The following ROBO1 variants were observed in gnomAD, a reference collection of about 807,000 sequenced individuals.
ROBO1 encodes the protein roundabout guidance receptor 1.
Under a neutral mutation model 195.9 loss-of-function variants are expected in ROBO1, and 149 were observed. The observed-to-expected ratio is 0.76, with a 90% CI of 0.67 to 0.87. ROBO1 has a LOEUF of 0.87. Ranked by LOEUF, ROBO1 falls within the 40% of genes least tolerant of loss-of-function variation. The probability of loss-of-function intolerance (pLI) is 0.00; values close to 1 mark genes in which losing one functional copy is unlikely to be tolerated. For missense variants in ROBO1, 1,933 were observed against 2,068.3 expected (o/e 0.93, Z 1.27); for synonymous variants, 816 against 733.2 (o/e 1.11, Z -1.82).
intron 3 of ROBO1, among the ~76,000 whole-genome samples, chr3:79,080,444 G>A (rs934331098): frequency 5.9e-5 from 9 of 151,586 alleles, no homozygotes; most frequent in Non-Finnish European, 1.3e-4. Flanking sequence ...AGTCCCCAAA[G>A]ATAAAATGAC....
intron 1 of ROBO1, among the ~76,000 whole-genome samples, chr3:79,701,364 A>C (rs899786959): frequency 6.6e-6 from 1 of 151,570 alleles, no homozygotes; most frequent in African/African-American, 2.4e-5. Context: ...CTGTGAAAAA[A>C]TGATATCCTT....
chr3:78,798,664 A>T (rs542098702), intron 4 of ROBO1, among the ~76,000 whole-genome samples: 17 of 152,356 alleles, frequency 1.1e-4, no homozygotes, highest in Admixed American at 3.9e-4. Context: ...AGATTTCATC[A>T]TATATTTTTA....
chr3:78,869,098 T>C (rs1429594449), intron 4 of ROBO1, among the ~76,000 whole-genome samples: 1 of 152,164 alleles, frequency 6.6e-6, no homozygotes, highest in Non-Finnish European at 1.5e-5. Context: ...TATAGTTTTT[T>C]TTAAGAAACT....
rs530688570 is a variant in ROBO1 at position 79,002,983 on chromosome 3, A to G, written c.173-64056T>C. ...GAAAACCTCGATTCCCCAATGCTAA[A>G]GAGCTGAGCTCCAAGTAAAGGAAGA... On this transcript the variant is annotated intron_variant, in intron 3 of 30. Coordinates refer to ENST00000464233, the MANE Select transcript of ROBO1 (RefSeq NM_002941.4). Among the ~76,000 whole-genome samples the G allele has an allele frequency of 3.3e-5, 5 of 152,272 alleles. No individual in the cohort carries two copies. The South Asian group carries it at 1.0e-3, about 32-fold the overall frequency.
intron 28 of ROBO1, chr3:78,607,306 G>A (rs1274116796): frequency 1.1e-5 from 4 of 377,486 alleles, no homozygotes; most frequent in Non-Finnish European, 4.8e-6. Flanking sequence ...TTGACCTCCT[G>A]GGTGCGAGCA....
At chr3:78,697,398 C>T (rs1364252767) in intron 8 of ROBO1, among the ~76,000 whole-genome samples, 2 of 152,078 alleles carry the variant, frequency 1.3e-5, no homozygotes, top group Non-Finnish European at 2.9e-5. Context: ...GAGGAAAAGA[C>T]CTTTTTCATC....
At position 79,713,307 on chromosome 3, in the gene ROBO1, G is replaced by T. The variant is rs575928778; in HGVS notation, c.-51+54445C>A. On this transcript the variant is annotated intron_variant, in intron 1 of 30. Coordinates refer to ENST00000464233, the MANE Select transcript of ROBO1 (RefSeq NM_002941.4). Reference sequence around the variant, plus strand: ...TTATTTGAGAGATACACTTCATAGGGTTATGGTAGTCATAGATAGTGGTTC... The same window carrying T: ...TTATTTGAGAGATACACTTCATAGGTTTATGGTAGTCATAGATAGTGGTTC... 2.6e-5 allele frequency among the ~76,000 whole-genome samples: 4 copies of T among 152,142 alleles called. No individual in the cohort carries two copies. The South Asian group carries it at 8.3e-4, about 32-fold the overall frequency.
At chr3:79,651,623 C>T (rs935069311) in intron 1 of ROBO1, among the ~76,000 whole-genome samples, 3 of 152,128 alleles carry the variant, frequency 2.0e-5, no homozygotes, top group Admixed American at 6.6e-5. Context: ...TAGTCTGCAA[C>T]GCTAGCACCC....
chr3:79,360,238 A>C (rs1303193078), intron 2 of ROBO1, among the ~76,000 whole-genome samples: 2 of 152,080 alleles, frequency 1.3e-5, no homozygotes, highest in African/African-American at 4.8e-5. Flanking sequence ...TCAAATTTAC[A>C]TAAATACATT....
intron 2 of ROBO1, among the ~76,000 whole-genome samples, chr3:79,484,645 A>T (rs1452776001): frequency 6.6e-6 from 1 of 151,940 alleles, no homozygotes; most frequent in African/African-American, 2.4e-5. Context: ...CATAATATGC[A>T]CGTGATAGTT....
intron 2 of ROBO1, among the ~76,000 whole-genome samples, chr3:79,348,788 G>T (rs2035230377): frequency 6.6e-6 from 1 of 152,114 alleles, no homozygotes; most frequent in Non-Finnish European, 1.5e-5. Context: ...GTATGCATAG[G>T]CAAAGGTAAT....
chr3:79,216,669 A>AT (rs536041032), intron 2 of ROBO1, among the ~76,000 whole-genome samples: 14 of 151,974 alleles, frequency 9.2e-5, no homozygotes, highest in African/African-American at 2.4e-4. Flanking sequence ...TGATTTAGCT[A>AT]TTTTTTTGAA....
chr3:79,735,888 A>AAAC (rs1553801372), intron 1 of ROBO1, among the ~76,000 whole-genome samples: 323 of 26,130 alleles, frequency 0.012, 5 homozygotes, highest in African/African-American at 0.036. Flanking sequence ...AAAAAAAAAC[A>AAAC]AAAAAAAAAC....
intron 3 of ROBO1, among the ~76,000 whole-genome samples, chr3:79,069,525 C>T (rs939896878): frequency 2.6e-5 from 4 of 151,926 alleles, no homozygotes; most frequent in Admixed American, 6.6e-5. Flanking sequence ...ACAATGACAT[C>T]CTTTTGCTCT....
At chr3:79,353,096 C>T (rs1166590477) in intron 2 of ROBO1, among the ~76,000 whole-genome samples, 3 of 151,986 alleles carry the variant, frequency 2.0e-5, no homozygotes, top group Non-Finnish European at 2.9e-5. Flanking sequence ...ACTGTCTATC[C>T]GTAATCTAAA....
At chr3:78,826,780 A>G (rs2031652652) in intron 4 of ROBO1, among the ~76,000 whole-genome samples, 1 of 152,154 alleles carries the variant, frequency 6.6e-6, no homozygotes, top group Non-Finnish European at 1.5e-5. Flanking sequence ...TTTGTTTCTT[A>G]TACAACCTAC....
intron 2 of ROBO1, among the ~76,000 whole-genome samples, chr3:79,454,272 TAAAG>T (rs1278334648): frequency 6.6e-6 from 1 of 151,684 alleles, no homozygotes; most frequent in Non-Finnish European, 1.5e-5. Context: ...TACCAAGAAA[TAAAG>T]ATAGAAAAAT....
At chr3:78,836,284 G>T (rs1048145536) in intron 4 of ROBO1, among the ~76,000 whole-genome samples, 4 of 151,892 alleles carry the variant, frequency 2.6e-5, no homozygotes, top group Admixed American at 2.0e-4. Flanking sequence ...AGGCCGAGGC[G>T]GGCGGATCAC....
chr3:79,512,521 A>G (rs1162073458), intron 2 of ROBO1, among the ~76,000 whole-genome samples: 1 of 152,172 alleles, frequency 6.6e-6, no homozygotes, highest in Non-Finnish European at 1.5e-5. Flanking sequence ...TCTTTATGCT[A>G]TATCTAATTC....
Sources: gnomAD v4.1 joint callset for allele counts (sites outside exome capture counted in the v4.1 genomes callset) on GRCh38, gnomAD v4.1.1 for gene constraint, MANE v1.5 for transcripts, NCBI Gene and HGNC (gene_info 2026-07-23, HGNC 2026-07-21) for gene names.